The following GPD1L variants were observed in gnomAD, a reference collection of about 807,000 sequenced individuals.
GPD1L encodes the protein glycerol-3-phosphate dehydrogenase 1-like protein.
In GPD1L, 17 loss-of-function variants were observed where a neutral mutation model predicts 32.9. The observed-to-expected ratio is 0.52, with a 90% confidence interval of 0.35 to 0.78. The LOEUF is 0.78. GPD1L is among the 30% of genes least tolerant of loss of function. GPD1L has a pLI of 0.01. For missense variants in GPD1L, 361 were observed against 447.8 expected (o/e 0.81, Z 1.75); for synonymous variants, 187 against 165.9 (o/e 1.13, Z -0.98).
At chr3:32,161,597 T>G (rs1306028861) in intron 7 of GPD1L, among the ~76,000 whole-genome samples, 6 of 152,152 alleles carry the variant, frequency 3.9e-5, no homozygotes, top group Non-Finnish European at 7.4e-5. Flanking sequence ...TGGGGTGCCT[T>G]GATAGGATTC....
chr3:32,113,945 C>T (rs1415650733), intron 1 of GPD1L, among the ~76,000 whole-genome samples: 3 of 152,130 alleles, frequency 2.0e-5, no homozygotes, highest in Non-Finnish European at 2.9e-5. Flanking sequence ...CCTCAACCTC[C>T]AAGGCTCAAG....
intron 2 of GPD1L, among the ~76,000 whole-genome samples, chr3:32,133,571 G>A (rs924101643): frequency 6.6e-6 from 1 of 152,200 alleles, no homozygotes; most frequent in African/African-American, 2.4e-5. Flanking sequence ...GAACAGCAGG[G>A]AGAAGCTGTT....
chr3:32,113,636 C>G (rs1473087874), intron 1 of GPD1L, among the ~76,000 whole-genome samples: 3 of 152,188 alleles, frequency 2.0e-5, no homozygotes, highest in Admixed American at 2.0e-4. Context: ...GGCTCAGTCT[C>G]TTCCACAATT....
At chr3:32,131,004 G>A (rs1700580113) in intron 2 of GPD1L, among the ~76,000 whole-genome samples, 1 of 150,586 alleles carries the variant, frequency 6.6e-6, no homozygotes, top group African/African-American at 2.4e-5. Flanking sequence ...AACAGAGCAA[G>A]ACTCCATCTA....
rs950617533 is a variant in GPD1L, at chr3:32,130,944, G to A, written c.225+2691G>A. ...GCAGGAGAATTGCCTGAACCCAGGA[G>A]GCGGAAGTTGCAGTGAGACGAGATT... On this transcript the variant is annotated intron_variant, in intron 2 of 7. Transcript: ENST00000282541. Among the ~76,000 whole-genome samples, 3 of 152,192 alleles carry A rather than the reference G, an allele frequency of 2.0e-5. No individual in the cohort carries two copies. In the East Asian group the frequency reaches 5.8e-4, roughly 29 times the overall value.
At chr3:32,145,157 A>G (rs1207604615) in intron 4 of GPD1L, among the ~76,000 whole-genome samples, 1 of 151,954 alleles carries the variant, frequency 6.6e-6, no homozygotes, top group Admixed American at 6.5e-5. Context: ...CATCTTTACT[A>G]AAAATACAAA....
chr3:32,145,140 G>A lies in GPD1L; in HGVS notation c.506-1482G>A, dbSNP rs190667981. ...TCGAGACCAGCCTGGCCAACATGGC[G>A]AAACCCCATCTTTACTAAAAATACA... On this transcript the variant is annotated intron_variant, in intron 4 of 7. Transcript: ENST00000282541. Among the ~76,000 whole-genome samples the A allele has an allele frequency of 3.1e-4, 47 of 152,000 alleles. 1 individual carries two copies. In the East Asian group the frequency reaches 6.9e-3, roughly 22 times the overall value.
chr3:32,127,991 A>C (rs941588712), intron 1 of GPD1L, 85 bp from the exon 2 acceptor site: 24 of 930,342 alleles, frequency 2.6e-5, no homozygotes, highest in Non-Finnish European at 3.1e-5. Context: ...GAATCAAAAC[A>C]CAAGTCTTCT....
intron 2 of GPD1L, among the ~76,000 whole-genome samples, chr3:32,134,078 G>A (rs928216815): frequency 3.3e-5 from 5 of 152,184 alleles, no homozygotes; most frequent in East Asian, 1.9e-4. Context: ...AATCTGGAAC[G>A]ATGGACACCT....
In GPD1L at chr3:32,106,834, C is replaced by A; in HGVS notation, c.47+76C>A. On this transcript the variant is annotated intron_variant, in intron 1 of 7. Coordinates refer to ENST00000282541, the MANE Select transcript of GPD1L (RefSeq NM_015141.4). The surrounding 1 kb of genome is among the most constrained non-coding windows in gnomAD (Gnocchi z 4.0). ...TCCCGGGCGGTGAGGGCTGCGCGCCCCATGCTGCGGCGTGGGCACCGGGCA... is the reference window on the plus strand; with the variant it reads ...TCCCGGGCGGTGAGGGCTGCGCGCCACATGCTGCGGCGTGGGCACCGGGCA... 1 of 1,388,792 alleles carries A rather than the reference C, an allele frequency of 7.2e-7. No homozygotes were observed. The highest frequency in any genetic ancestry group is 9.6e-7 in the Non-Finnish European group (1 of 1,038,682). The allele number at this position is 1,388,792 out of a possible 1,614,324, so 86.0% of individuals were successfully genotyped here.
At chr3:32,146,762 A>G (rs371577020) in intron 5 of GPD1L, 28 bp downstream of exon 5, 12 of 1,292,972 alleles carry the variant, frequency 9.3e-6, no homozygotes, top group African/African-American at 2.9e-5. Context: ...GGAGGAGTTC[A>G]TCAAGCAAGG....
At chr3:32,144,284 A>G (rs893944719) in intron 4 of GPD1L, among the ~76,000 whole-genome samples, 1 of 152,146 alleles carries the variant, frequency 6.6e-6, no homozygotes, top group Admixed American at 6.5e-5. Flanking sequence ...AAATCCTGTC[A>G]TGGTGAACTA....
chr3:32,136,079 C>T (rs1198776530), intron 2 of GPD1L, among the ~76,000 whole-genome samples: 4 of 152,136 alleles, frequency 2.6e-5, no homozygotes, highest in African/African-American at 9.7e-5. Flanking sequence ...AAGATCCAGG[C>T]AGTGCTGGCT....
At chr3:32,109,271 A>G (rs945189428) in intron 1 of GPD1L, among the ~76,000 whole-genome samples, 13 of 152,184 alleles carry the variant, frequency 8.5e-5, no homozygotes, top group Non-Finnish European at 1.5e-4. Flanking sequence ...AGTCTGTACA[A>G]TTCCACAGAT....
intron 1 of GPD1L, among the ~76,000 whole-genome samples, chr3:32,113,254 C>CT (rs938092694): frequency 1.6e-4 from 9 of 56,072 alleles, no homozygotes; most frequent in African/African-American, 1.3e-3. Context: ...AAAATCTTAT[C>CT]TTTTTTTTTC....
intron 1 of GPD1L, among the ~76,000 whole-genome samples, chr3:32,109,172 G>T (rs926593103): frequency 6.6e-6 from 1 of 152,232 alleles, no homozygotes; most frequent in African/African-American, 2.4e-5. Context: ...TTAATGTCAA[G>T]CTCACTTGAG....
At position 32,165,978 on chromosome 3, in the gene GPD1L, C is replaced by T. The variant is rs1262759937; in HGVS notation, c.*68C>T. On this transcript the variant is annotated 3_prime_UTR_variant, in exon 8 of 8. Coordinates refer to ENST00000282541, the MANE Select transcript of GPD1L (RefSeq NM_015141.4). The stretch of plus-strand genomic sequence containing the variant: ...TCAATCTTTTGGGTTCACGTGGAAA[C>T]CAGGACTTGGCAACATGATGTTTGA... The T allele has an allele frequency of 8.1e-6, 7 of 866,454 alleles. No homozygotes were observed. In the East Asian group the frequency reaches 1.7e-4, roughly 21 times the overall value. 53.7% of individuals were successfully genotyped at this position (866,454 alleles called of 1,614,324 possible).
Position 32,158,962 on chromosome 3 carries a change from G to A in GPD1L, c.705G>A (p.Met235Ile). Residue 235 changes from methionine (M) to isoleucine (I), a missense_variant, in exon 6 of 8, where the codon ATG becomes ATA. By Grantham distance (10) the Met-to-Ile change is conservative. Coordinates refer to ENST00000282541, the MANE Select transcript of GPD1L (RefSeq NM_015141.4). ...CGGCCGTCATCCGCCTGGGACTCATGGAAATGATTGCTTTTGCCAGGATCT... is the reference window on the plus strand; with the variant it reads ...CGGCCGTCATCCGCCTGGGACTCATAGAAATGATTGCTTTTGCCAGGATCT... Reference protein sequence around the residue: ...TKAAVIRLGLMEMIAFARIFC... With the variant: ...TKAAVIRLGLIEMIAFARIFC... 2 of 1,614,134 alleles carry A rather than the reference G, an allele frequency of 1.2e-6. No homozygotes were observed. Among genetic ancestry groups the A allele is most frequent in the Non-Finnish European group, 1.7e-6 (2 of 1,180,022 alleles).
chr3:32,129,227 AC>A (rs1296665859), intron 2 of GPD1L, among the ~76,000 whole-genome samples: 1 of 152,134 alleles, frequency 6.6e-6, no homozygotes, highest in Non-Finnish European at 1.5e-5. Flanking sequence ...TTAACGAAAT[AC>A]CCTTTACTGC....
Sources: allele counts gnomAD v4.1 joint callset (sites outside exome capture counted in the v4.1 genomes callset), GRCh38; gene constraint gnomAD v4.1.1; non-coding constraint Gnocchi (gnomAD v3.1); transcripts MANE v1.5; gene names NCBI Gene and HGNC (gene_info 2026-07-23, HGNC 2026-07-21).